The following SHOX variants were observed in gnomAD, a reference collection of about 807,000 sequenced individuals.
The protein encoded by SHOX is short stature homeobox protein.
In SHOX, 12 loss-of-function variants were observed where a neutral mutation model predicts 29.6. The observed-to-expected ratio is 0.41, with a 90% CI of 0.26 to 0.66. The LOEUF is 0.66. Among genes scored for constraint, SHOX ranks in the 30% least tolerant of loss-of-function variants. The pLI is 0.35. For missense variants in SHOX, 499 were observed against 437.7 expected, an observed-to-expected ratio of 1.14 and a Z score of -1.25; for synonymous variants, 214 against 200.6, an observed-to-expected ratio of 1.07 and a Z score of -0.57.
chrX:631,407 C>G (rs2052646254), intron 1 of SHOX, among the ~76,000 whole-genome samples: 2 of 152,166 alleles, frequency 1.3e-5, no homozygotes. Context: ...AGGGTCGCAG[C>G]GGGGGCCGCG....
chrX:625,458 C>G (rs2052506157), intron 1 of SHOX, among the ~76,000 whole-genome samples: 1 of 152,098 alleles, frequency 6.6e-6, no homozygotes, highest in Non-Finnish European at 1.5e-5. Flanking sequence ...GCTCTCTTCT[C>G]TCTCTCGCTG....
downstream of SHOX, among the ~76,000 whole-genome samples, chrX:651,958 C>T (rs1387436345): frequency 6.6e-6 from 1 of 151,892 alleles, no homozygotes; most frequent in Non-Finnish European, 1.5e-5. Context: ...CTCGCTCTGT[C>T]GCCCAGGCCG....
chrX:658,805 C>T (rs1463182768), exon 6 of SHOX: 3 of 401,842 alleles, frequency 7.5e-6, no homozygotes, highest in East Asian at 8.9e-5. Flanking sequence ...GCTCTTGTCG[C>T]CCGGGCTGGA....
At chrX:631,824 G>A (rs1170083625) in intron 1 of SHOX, 2 of 444,538 alleles carry the variant, frequency 4.5e-6, no homozygotes, top group Non-Finnish European at 4.6e-6. Flanking sequence ...GAGGCACCGC[G>A]CCCGGCCTGG....
Position 656,715 on chromosome X carries a change from C to T in SHOX, c.634-2070C>T, listed in dbSNP as rs552455546. Among the ~76,000 whole-genome samples, 25 of 151,614 alleles carry T rather than the reference C, an allele frequency of 1.6e-4. 2 individuals are homozygous for T. In the South Asian group the frequency reaches 5.1e-3, roughly 31 times the overall value. On this transcript the variant is annotated intron_variant, in intron 5 of 5. Transcript: ENST00000334060. ...AAAATTAGCCGGGCGTGGTGGCGGG[C>T]GCCTGTAGTCCCAGCTACTCAGGAG...
chrX:644,346 C>T, intron 4 of SHOX, 45 bp from the exon 5 acceptor site: 1 of 1,502,902 alleles, frequency 6.7e-7, no homozygotes, highest in Non-Finnish European at 8.8e-7. Flanking sequence ...GCAGGCCCCC[C>T]AGTCCCCATC....
intron 2 of SHOX, among the ~76,000 whole-genome samples, chrX:638,544 G>A (rs1225299138): frequency 6.6e-6 from 1 of 152,160 alleles, no homozygotes; most frequent in African/African-American, 2.4e-5. Context: ...GGGTGTGAGG[G>A]AGGATGACTT....
upstream of SHOX, among the ~76,000 whole-genome samples, chrX:628,681 A>C (rs1467211003): frequency 7.3e-3 from 19 of 2,618 alleles, no homozygotes; most frequent in South Asian, 0.011. Context: ...CTCTCTCTCC[A>C]TCTGTCTGTG....
At chrX:625,762 G>T (rs374710243) in intron 1 of SHOX, among the ~76,000 whole-genome samples, 1 of 132,278 alleles carries the variant, frequency 7.6e-6, no homozygotes, top group Non-Finnish European at 1.6e-5. Context: ...GTCTCTGTCT[G>T]TATCTCTGTC....
intron 2 of SHOX, among the ~76,000 whole-genome samples, chrX:637,345 C>T (rs2052776678): frequency 6.6e-6 from 1 of 151,940 alleles, no homozygotes; most frequent in Non-Finnish European, 1.5e-5. Context: ...CAATATATCC[C>T]AGCCCTTGAT....
downstream of SHOX, among the ~76,000 whole-genome samples, chrX:653,110 G>A (rs1258947277): frequency 1.3e-5 from 2 of 152,096 alleles, no homozygotes; most frequent in Admixed American, 6.5e-5. Context: ...GCGTGGTGGT[G>A]TGTATCTGTA....
upstream of SHOX, among the ~76,000 whole-genome samples, chrX:628,570 T>G (rs1289296440): frequency 1.3e-5 from 1 of 75,752 alleles, no homozygotes; most frequent in African/African-American, 4.9e-5. Flanking sequence ...TATCTCTCCC[T>G]CTCTCTCCCT....
chrX:653,581 C>T (rs2053097664), downstream of SHOX, among the ~76,000 whole-genome samples: 2 of 151,872 alleles, frequency 1.3e-5, no homozygotes, highest in African/African-American at 4.8e-5. Flanking sequence ...TCTGATTTTT[C>T]CATGGGTTGT....
At chrX:633,786 G>C (rs1235565653) in intron 1 of SHOX, among the ~76,000 whole-genome samples, 9 of 152,096 alleles carry the variant, frequency 5.9e-5, no homozygotes, top group Non-Finnish European at 1.3e-4. Flanking sequence ...GGGTTGAAGG[G>C]GAGCGAGGGA....
chrX:636,199 CATATATAA>C (rs2052744308), intron 2 of SHOX, among the ~76,000 whole-genome samples: 1 of 144,760 alleles, frequency 6.9e-6, no homozygotes, highest in Middle Eastern at 3.7e-3. Flanking sequence ...AATCTATATA[CATATATAA>C]ATATATAAAC....
upstream of SHOX, among the ~76,000 whole-genome samples, chrX:628,269 A>C (rs532212611): frequency 0.025 from 1,123 of 44,804 alleles, no homozygotes; most frequent in South Asian, 0.042. Context: ...CTCTCTCTCC[A>C]TCTCTCCCTG....
chrX:649,546 T>C lies in SHOX; in HGVS notation c.*4910T>C, dbSNP rs756566070. 5.3e-5 allele frequency among the ~76,000 whole-genome samples: 8 copies of C among 152,266 alleles called. No individual in the cohort carries two copies. In the South Asian group the frequency reaches 1.5e-3, roughly 28 times the overall value. The stretch of plus-strand genomic sequence containing the variant: ...GCTGGCGATTCTTGGTGCTTTTTGC[T>C]CAAAACAAGGTTCTTTTGAAAGTCA... On this transcript the variant is annotated 3_prime_UTR_variant, in exon 5 of 5. Coordinates refer to ENST00000686671, the MANE Select transcript of SHOX (RefSeq NM_000451.4).
chrX:628,185 CTCTCTTTCTCTCTCCCTCTCTCT>C, upstream of SHOX, among the ~76,000 whole-genome samples: 1 of 96,340 alleles, frequency 1.0e-5, no homozygotes, highest in Admixed American at 1.1e-4. Context: ...CTCTCCGTTT[CTCTCTTTCTCTCTCCCTCTCTCT>C]CCCTGTCCGT....
intron 1 of SHOX, among the ~76,000 whole-genome samples, chrX:625,484 C>G (rs1342178358): frequency 2.6e-5 from 4 of 151,870 alleles, no homozygotes; most frequent in South Asian, 2.1e-4. Flanking sequence ...CTCTGTCTGT[C>G]TCTCTGTCCC....
Sources: allele counts gnomAD v4.1 joint callset (sites outside exome capture counted in the v4.1 genomes callset), GRCh38; gene constraint gnomAD v4.1.1; transcripts MANE v1.5; gene names NCBI Gene and HGNC (gene_info 2026-07-23, HGNC 2026-07-21).